Variants in SPRED2 observed in about 807,000 individuals in gnomAD.
The protein encoded by SPRED2 is sprouty related EVH1 domain containing 2.
Under a neutral mutation model 43.0 loss-of-function variants are expected in SPRED2, and 47 were observed. The observed-to-expected ratio is 1.09, with a 90% CI of 0.87 to 1.40. SPRED2 has a LOEUF of 1.40. Among genes scored for constraint, SPRED2 ranks in the 40% most tolerant of loss-of-function variants. The pLI is 0.00. For missense variants in SPRED2, 561 were observed against 586.4 expected (o/e 0.96, Z 0.45); for synonymous variants, 225 against 225.7 (o/e 1.00, Z 0.03).
At chr2:65,315,658 A>G (rs1558646185) in intron 5 of SPRED2, among the ~76,000 whole-genome samples, 1 of 152,158 alleles carries the variant, frequency 6.6e-6, no homozygotes, top group African/African-American at 2.4e-5. Context: ...GCATAATGTG[A>G]TATTTATTTA....
intron 1 of SPRED2, among the ~76,000 whole-genome samples, chr2:65,376,178 C>T (rs889175683): frequency 6.6e-6 from 1 of 152,198 alleles, no homozygotes; most frequent in Non-Finnish European, 1.5e-5. Flanking sequence ...TACAGTTAAA[C>T]TTTAGAGGCT....
rs539844991 is a variant in SPRED2, at chr2:65,397,154, C to G, written c.26+34808G>C. On this transcript the variant is annotated intron_variant, in intron 1 of 5. Transcript: ENST00000356388. ...TTCTCTCCTTGTTTTGAATGAAATA[C>G]CAAAGTAGAAAAATTTTGATAAAGA... is the stretch of plus-strand genomic sequence containing the variant. Among the ~76,000 whole-genome samples, 3 of 152,142 alleles carry G rather than the reference C, an allele frequency of 2.0e-5. No homozygotes were observed. In the East Asian group the frequency reaches 5.8e-4, roughly 29 times the overall value.
intron 1 of SPRED2, among the ~76,000 whole-genome samples, chr2:65,389,756 T>C (rs1307668055): frequency 6.6e-6 from 1 of 152,220 alleles, no homozygotes; most frequent in Non-Finnish European, 1.5e-5. Flanking sequence ...GATACAGAAA[T>C]GGAGTTGCTC....
At chr2:65,344,600 G>C (rs777702730) in intron 2 of SPRED2, 119 bp downstream of exon 2, 2 of 1,341,720 alleles carry the variant, frequency 1.5e-6, no homozygotes, top group Admixed American at 2.0e-5. Context: ...TGAAGCTTTT[G>C]CAAGAGTTTG....
intron 1 of SPRED2, among the ~76,000 whole-genome samples, chr2:65,397,338 C>T (rs34073446): frequency 0.11 from 16,721 of 152,150 alleles, 1,373 homozygotes; most frequent in Non-Finnish European, 0.16. Flanking sequence ...CAGCCCTCAC[C>T]GCCCCCATCC....
chr2:65,384,748 G>A (rs1462615385), intron 1 of SPRED2, among the ~76,000 whole-genome samples: 1 of 152,146 alleles, frequency 6.6e-6, no homozygotes, highest in Non-Finnish European at 1.5e-5. Context: ...TTTCCACCCT[G>A]TCAGGTCCCC....
chr2:65,357,554 G>C (rs944911075), intron 1 of SPRED2, among the ~76,000 whole-genome samples: 1 of 152,210 alleles, frequency 6.6e-6, no homozygotes, highest in Non-Finnish European at 1.5e-5. Context: ...AAAGGACCTC[G>C]TGTGGTGGCA....
chr2:65,359,957 C>T (rs376191380), intron 1 of SPRED2, among the ~76,000 whole-genome samples: 3 of 150,316 alleles, frequency 2.0e-5, no homozygotes, highest in East Asian at 2.0e-4. Context: ...CCCAGCTACT[C>T]GGGAGCCTGG....
At chr2:65,399,310 C>G (rs987772399) in intron 1 of SPRED2, among the ~76,000 whole-genome samples, 2 of 149,746 alleles carry the variant, frequency 1.3e-5, no homozygotes, top group African/African-American at 4.9e-5. Context: ...CCATGGAATA[C>G]TACTACTCAG....
chr2:65,369,462 T>C (rs1046628489), intron 1 of SPRED2, among the ~76,000 whole-genome samples: 3 of 152,262 alleles, frequency 2.0e-5, no homozygotes, highest in Non-Finnish European at 4.4e-5. Context: ...GCATATGCGA[T>C]ACTTTTCCCC....
At chr2:65,360,126 A>G (rs1178785152) in intron 1 of SPRED2, among the ~76,000 whole-genome samples, 1 of 151,700 alleles carries the variant, frequency 6.6e-6, no homozygotes, top group African/African-American at 2.4e-5. Flanking sequence ...AAAGACCAAA[A>G]GACCACTGCT....
chr2:65,321,474 C>G (rs1473294201), intron 4 of SPRED2, among the ~76,000 whole-genome samples: 2 of 131,812 alleles, frequency 1.5e-5, no homozygotes, highest in African/African-American at 5.9e-5. Flanking sequence ...GAGTTCGAGA[C>G]CAGCCTGGGC....
intron 1 of SPRED2, among the ~76,000 whole-genome samples, chr2:65,375,359 T>C (rs565115345): frequency 5.9e-5 from 9 of 152,348 alleles, no homozygotes; most frequent in Non-Finnish European, 2.9e-5. Flanking sequence ...ACTGTGTGTA[T>C]AGCCCTATTC....
At chr2:65,366,165 G>C (rs2104329407) in intron 1 of SPRED2, among the ~76,000 whole-genome samples, 2 of 152,284 alleles carry the variant, frequency 1.3e-5, no homozygotes, top group South Asian at 2.1e-4. Context: ...TAACACAATA[G>C]TAATTGTTAG....
In SPRED2 at chr2:65,363,000, G is replaced by GTTTTTTTTTTTTT. The variant is rs759784526; in HGVS notation, c.27-18105_27-18104insAAAAAAAAAAAAA. The stretch of plus-strand genomic sequence containing the variant: ...CACTTGCTTTCTCTATGGTCATCAT[G>GTTTTTTTTTTTTT]TTTTGTTTTTTTTTTTTTTTTTTTT... On this transcript the variant is annotated intron_variant, in intron 1 of 5. Transcript: ENST00000356388. Among the ~76,000 whole-genome samples the GTTTTTTTTTTTTT allele has an allele frequency of 2.8e-4, 19 of 66,938 alleles. 4 individuals are homozygous for GTTTTTTTTTTTTT. The highest frequency in any genetic ancestry group is 1.3e-3 in the African/African-American group (19 of 14,270). The allele number at this position is 66,938 out of a possible 152,430, so 43.9% of individuals were successfully genotyped here.
Position 65,310,975 on chromosome 2 carries a change from T to C in SPRED2, c.*2526A>G. 1 of 982,960 alleles carries C rather than the reference T, an allele frequency of 1.0e-6. No individual in the cohort carries two copies. The highest frequency in any genetic ancestry group is 1.2e-6 in the Non-Finnish European group (1 of 827,326). The allele number at this position is 982,960 out of a possible 1,614,324, so 60.9% of individuals were successfully genotyped here. A position where few individuals can be genotyped will look rare whatever the true frequency, so the allele number is the denominator to read the frequency against. ...GTACATCATACACTTGTATATATATTTTTTACACAGAGGTAAAAAGGCTTA... is the reference window on the plus strand; with the variant it reads ...GTACATCATACACTTGTATATATATCTTTTACACAGAGGTAAAAAGGCTTA... On this transcript the variant is annotated 3_prime_UTR_variant, in exon 6 of 6. Transcript: ENST00000356388.
intron 1 of SPRED2, among the ~76,000 whole-genome samples, chr2:65,415,986 A>C (rs929650881): frequency 6.6e-6 from 1 of 152,216 alleles, no homozygotes; most frequent in African/African-American, 2.4e-5. Flanking sequence ...GGAATGAATT[A>C]ATAGGCAGAA....
Position 65,318,525 on chromosome 2 carries a change from T to A in SPRED2, c.439-1642A>T, listed in dbSNP as rs181166311. ...TGACATATCTCTCCACCCTCTACCA[T>A]TCCCCAACTAAACAGATGAAAAGAA... is the stretch of plus-strand genomic sequence containing the variant. On this transcript the variant is annotated intron_variant, in intron 4 of 5. Coordinates refer to ENST00000356388, the MANE Select transcript of SPRED2 (RefSeq NM_181784.3). Among the ~76,000 whole-genome samples the A allele has an allele frequency of 2.9e-3, 433 of 151,644 alleles. 5 individuals are homozygous for A. The highest frequency in any genetic ancestry group is 2.0e-3 in the Non-Finnish European group (139 of 67,876).
intron 1 of SPRED2, among the ~76,000 whole-genome samples, chr2:65,414,307 G>A (rs187870369): frequency 1.4e-4 from 21 of 151,132 alleles, no homozygotes; most frequent in Non-Finnish European, 8.8e-5. Context: ...GTTTTTACAC[G>A]TGTGTGAGTA....
Sources: allele counts gnomAD v4.1 joint callset (sites outside exome capture counted in the v4.1 genomes callset), GRCh38; gene constraint gnomAD v4.1.1; transcripts MANE v1.5; gene names NCBI Gene and HGNC (gene_info 2026-07-23, HGNC 2026-07-21).